The following WWOX variants were observed in gnomAD, a reference collection of about 807,000 sequenced individuals.
WWOX encodes WW domain containing oxidoreductase.
WWOX carries 69 observed loss-of-function variants against 46.2 expected under a neutral mutation model. The ratio of observed to expected loss-of-function variants is 1.49; its 90% CI spans 1.23 to 1.82. WWOX has a LOEUF of 1.82. Ranked by LOEUF, WWOX falls within the 40% of genes most tolerant of loss-of-function variation. WWOX has a pLI of 0.00. For missense variants in WWOX, 919 were observed against 542.6 expected (o/e 1.69, Z -6.89); for synonymous variants, 359 against 202.6 (o/e 1.77, Z -6.56).
At chr16:78,933,096 A>T (rs1442814019) in intron 8 of WWOX, among the ~76,000 whole-genome samples, 2 of 152,146 alleles carry the variant, frequency 1.3e-5, no homozygotes, top group African/African-American at 4.8e-5. Flanking sequence ...ATCAGTTGCT[A>T]CCCCTGAGCA....
chr16:78,390,001 C>T lies in WWOX; in HGVS notation c.605+3053C>T, dbSNP rs117224772. The stretch of plus-strand genomic sequence containing the variant: ...ACCTCAAGTGATCTCTCCACCTTGG[C>T]CTCCCAAACTGCTGGAATTACAGGC... On this transcript the variant is annotated intron_variant, in intron 6 of 8. Coordinates refer to ENST00000566780, the MANE Select transcript of WWOX (RefSeq NM_016373.4). Among the ~76,000 whole-genome samples, 409 of 152,306 alleles carry T rather than the reference C, an allele frequency of 2.7e-3. 10 individuals are homozygous for T. In the East Asian group the frequency reaches 0.055, roughly 20 times the overall value.
At position 79,212,118 on chromosome 16, in the gene WWOX, G is replaced by A. The variant is rs760656650; in HGVS notation, c.*322G>A. The A allele has an allele frequency of 2.6e-6, 4 of 1,534,274 alleles. No individual in the cohort carries two copies. Among genetic ancestry groups the A allele is most frequent in the Middle Eastern group, 1.7e-4 (1 of 5,974 alleles). ...CACCAGCAATTCTCTTTCTTTTACT[G>A]TTATAGAATAGCCTGAGGTCCCCTC... On this transcript the variant is annotated 3_prime_UTR_variant, in exon 9 of 9. Transcript: ENST00000566780.
At chr16:78,875,153 C>T (rs1434150836) in intron 8 of WWOX, among the ~76,000 whole-genome samples, 2 of 152,134 alleles carry the variant, frequency 1.3e-5, no homozygotes, top group Non-Finnish European at 2.9e-5. Flanking sequence ...GGTTTGAATT[C>T]AGGAATGTTG....
chr16:78,514,163 G>C (rs1175168815), intron 8 of WWOX, among the ~76,000 whole-genome samples: 1 of 152,152 alleles, frequency 6.6e-6, no homozygotes, highest in Non-Finnish European at 1.5e-5. Context: ...AAAAAACTTA[G>C]AGAGTGACTT....
chr16:79,095,098 T>G (rs1251039344), intron 8 of WWOX, among the ~76,000 whole-genome samples: 1 of 152,202 alleles, frequency 6.6e-6, no homozygotes, highest in Non-Finnish European at 1.5e-5. Flanking sequence ...CCAGCCCCGT[T>G]CTATTGCAAA....
intron 8 of WWOX, among the ~76,000 whole-genome samples, chr16:79,198,150 C>A (rs1297812424): frequency 5.3e-5 from 8 of 149,812 alleles, no homozygotes; most frequent in African/African-American, 1.7e-4. Flanking sequence ...CATGGTGAAA[C>A]CCCGTCTCTA....
chr16:78,618,018 G>A (rs949167977), intron 8 of WWOX, among the ~76,000 whole-genome samples: 1 of 152,150 alleles, frequency 6.6e-6, no homozygotes, highest in African/African-American at 2.4e-5. Flanking sequence ...CACCTGCTAT[G>A]AGCCAGATGT....
intron 8 of WWOX, among the ~76,000 whole-genome samples, chr16:78,508,729 C>A (rs186935764): frequency 5.3e-4 from 80 of 152,228 alleles, no homozygotes; most frequent in South Asian, 1.2e-3. Flanking sequence ...GGAAGCAGAG[C>A]GTGAATGCCG....
chr16:78,613,352 G>A (rs371919687), intron 8 of WWOX, among the ~76,000 whole-genome samples: 1 of 152,162 alleles, frequency 6.6e-6, no homozygotes, highest in Non-Finnish European at 1.5e-5. Flanking sequence ...TCCCCATGCT[G>A]TGTCGCACTT....
At chr16:79,055,941 C>T (rs908450672) in intron 8 of WWOX, among the ~76,000 whole-genome samples, 1 of 152,332 alleles carries the variant, frequency 6.6e-6, no homozygotes, top group South Asian at 2.1e-4. Flanking sequence ...GTAAATTTCT[C>T]ATAAATATTT....
intron 5 of WWOX, among the ~76,000 whole-genome samples, chr16:78,380,912 A>T (rs1041839933): frequency 2.0e-5 from 3 of 152,240 alleles, no homozygotes; most frequent in Non-Finnish European, 4.4e-5. Flanking sequence ...TGATAATAGC[A>T]TATATTGAGA....
At chr16:78,631,054 A>G (rs1222871228) in intron 8 of WWOX, among the ~76,000 whole-genome samples, 4 of 152,198 alleles carry the variant, frequency 2.6e-5, no homozygotes, top group African/African-American at 9.7e-5. Context: ...ATTAGGTATT[A>G]TAAGTAATCT....
At chr16:78,938,887 C>T (rs1269452569) in intron 8 of WWOX, among the ~76,000 whole-genome samples, 1 of 152,090 alleles carries the variant, frequency 6.6e-6, no homozygotes, top group Admixed American at 6.5e-5. Flanking sequence ...GGGCCAGCCA[C>T]GTGGGTACTG....
chr16:78,231,965 C>T (rs2037282134), intron 5 of WWOX, among the ~76,000 whole-genome samples: 1 of 152,016 alleles, frequency 6.6e-6, no homozygotes, highest in East Asian at 1.9e-4. Flanking sequence ...TCTTGACTGC[C>T]TGCTATGGAG....
intron 8 of WWOX, among the ~76,000 whole-genome samples, chr16:78,817,992 G>C (rs919347293): frequency 2.6e-5 from 4 of 152,218 alleles, no homozygotes; most frequent in African/African-American, 9.6e-5. Flanking sequence ...AGAAAACGAA[G>C]ATGGAGTGGG....
intron 8 of WWOX, among the ~76,000 whole-genome samples, chr16:78,909,227 C>T (rs944649890): frequency 4.7e-5 from 7 of 150,056 alleles, no homozygotes; most frequent in Admixed American, 4.6e-4. Context: ...GCCAGTCGTT[C>T]ATGTTTCCTT....
chr16:78,481,178 TATAATTTGTAA>T (rs2084476579), intron 8 of WWOX, among the ~76,000 whole-genome samples: 1 of 152,232 alleles, frequency 6.6e-6, no homozygotes, highest in African/African-American at 2.4e-5. Context: ...GATCCAAGTT[TATAATTTGTAA>T]ATAAGTAGAC....
chr16:78,902,058 G>A (rs1489477613), intron 8 of WWOX, among the ~76,000 whole-genome samples: 1 of 152,218 alleles, frequency 6.6e-6, no homozygotes, highest in Non-Finnish European at 1.5e-5. Flanking sequence ...GGAGTTGAGA[G>A]CTGGCAAAAT....
intron 8 of WWOX, among the ~76,000 whole-genome samples, chr16:78,579,803 G>A (rs1185423636): frequency 2.0e-5 from 3 of 152,236 alleles, no homozygotes; most frequent in Middle Eastern, 3.4e-3. Context: ...AATCTCCTAC[G>A]GTGATACCTG....
Sources: allele counts gnomAD v4.1 joint callset (sites outside exome capture counted in the v4.1 genomes callset), GRCh38; gene constraint gnomAD v4.1.1; transcripts MANE v1.5; gene names NCBI Gene and HGNC (gene_info 2026-07-23, HGNC 2026-07-21).